The following DISP1 variants were observed in gnomAD, a reference collection of about 807,000 sequenced individuals.
The protein encoded by DISP1 is protein dispatched homolog 1.
DISP1 carries 30 observed loss-of-function variants against 37.3 expected under a neutral mutation model. That is an observed-to-expected ratio of 0.80 (90% confidence interval 0.60 to 1.09). DISP1 has a LOEUF of 1.09. DISP1 is among the 50% of genes least tolerant of loss of function. The pLI is 0.00. For missense variants in DISP1, 1,598 were observed against 1,879.5 expected, an observed-to-expected ratio of 0.85 and a Z score of 2.77; for synonymous variants, 634 against 690.2, an observed-to-expected ratio of 0.92 and a Z score of 1.28.
At chr1:222,959,202 C>T (rs556646406) in intron 3 of DISP1, among the ~76,000 whole-genome samples, 6 of 152,064 alleles carry the variant, frequency 3.9e-5, no homozygotes, top group Non-Finnish European at 8.8e-5. Flanking sequence ...ACTTGTGTGA[C>T]TAGTGAAGTA....
At position 223,005,169 on chromosome 1, in the gene DISP1, C is replaced by T. The variant is rs1247114380; in HGVS notation, c.3772C>T (p.Gln1258Ter). ...TGCCTTGTTACAGCCCCCTCTTGAA[C>T]AGCATACCGTGTGTCACTTCTTCTC... ...GSALLQPPLE[Q>*]HTVCHFFSLN... The change falls in exon 9 of 9, where the codon CAG becomes TAG. Residue 1258 changes from glutamine (Q) to a stop codon, truncating the protein, a stop_gained. Coordinates refer to ENST00000675850, the MANE Select transcript of DISP1 (RefSeq NM_001377229.1). LOFTEE classifies it low-confidence loss of function (END_TRUNC). 1.2e-6 allele frequency: 2 copies of T among 1,614,194 alleles called. No individual in the cohort carries two copies. The highest frequency in any genetic ancestry group is 1.7e-6 in the Non-Finnish European group (2 of 1,180,026).
At chr1:222,883,638 T>C (rs1670406602) in intron 1 of DISP1, among the ~76,000 whole-genome samples, 1 of 151,880 alleles carries the variant, frequency 6.6e-6, no homozygotes, top group African/African-American at 2.4e-5. Flanking sequence ...TAAATAAAGA[T>C]TATACATTGT....
chr1:222,956,851 A>C (rs921539277), intron 3 of DISP1, among the ~76,000 whole-genome samples: 1 of 152,128 alleles, frequency 6.6e-6, no homozygotes, highest in African/African-American at 2.4e-5. Context: ...CTTATTAAGA[A>C]AACTATATAT....
rs1307604634 is a variant in DISP1 at position 222,943,003 on chromosome 1, C to T, written c.180C>T (p.Gly60=). ...CAAATGGATGCCTGCAACTTAATGG[C>T]ACGGTCAAATCATCCTTTCTGCCTT... ...VSPNGCLQLN[G]TVKSSFLPLD... Residue 60 remains glycine (G), a synonymous_variant, in exon 3 of 9, where the codon GGC becomes GGT. Coordinates refer to ENST00000675850, the MANE Select transcript of DISP1 (RefSeq NM_001377229.1). The T allele has an allele frequency of 6.2e-7, 1 of 1,614,066 alleles. No individual in the cohort carries two copies. The highest frequency in any genetic ancestry group is 1.3e-5 in the African/African-American group (1 of 74,916).
At chr1:222,883,203 T>G (rs1272353492) in intron 1 of DISP1, among the ~76,000 whole-genome samples, 1 of 152,148 alleles carries the variant, frequency 6.6e-6, no homozygotes, top group African/African-American at 2.4e-5. Flanking sequence ...ACACATTAAT[T>G]CCAAGCATAA....
At chr1:222,932,506 T>G (rs563990700) in intron 2 of DISP1, among the ~76,000 whole-genome samples, 1 of 152,060 alleles carries the variant, frequency 6.6e-6, no homozygotes, top group South Asian at 2.1e-4. Flanking sequence ...CTTTGTAGAA[T>G]TTTTTTAAAG....
At position 222,893,565 on chromosome 1, in the gene DISP1, C is replaced by T. The variant is rs1013131698; in HGVS notation, c.-158-34865C>T. Among the ~76,000 whole-genome samples the T allele has an allele frequency of 7.2e-5, 11 of 152,206 alleles. No individual in the cohort carries two copies. Among genetic ancestry groups the T allele is most frequent in the Admixed American group, 2.6e-4 (4 of 15,286 alleles). On this transcript the variant is annotated intron_variant, in intron 1 of 8. Coordinates refer to ENST00000675850, the MANE Select transcript of DISP1 (RefSeq NM_001377229.1). The surrounding 1 kb of genome is among the most constrained non-coding windows in gnomAD (Gnocchi z 4.3). ...AGGCACATCAGCTGCTGTGGCAGGG[C>T]GGGCAGCCCCAGGCGCCGGCACTGA...
intron 3 of DISP1, among the ~76,000 whole-genome samples, chr1:222,967,782 G>C (rs1002251694): frequency 6.6e-6 from 1 of 152,160 alleles, no homozygotes; most frequent in Non-Finnish European, 1.5e-5. Flanking sequence ...GGGAGTCTTG[G>C]TGTTCATGCA....
chr1:222,953,244 C>G (rs1675358008), intron 3 of DISP1, among the ~76,000 whole-genome samples: 1 of 152,092 alleles, frequency 6.6e-6, no homozygotes, highest in South Asian at 2.1e-4. Flanking sequence ...AACACAGTGC[C>G]TGTTACCAAA....
At chr1:222,869,927 T>C (rs1669431897) in intron 1 of DISP1, among the ~76,000 whole-genome samples, 1 of 152,154 alleles carries the variant, frequency 6.6e-6, no homozygotes, top group South Asian at 2.1e-4. Flanking sequence ...CTCCTAATGC[T>C]ATCCCTCCCC....
At chr1:222,990,785 T>C (rs779436648) in intron 5 of DISP1, 37 bp downstream of exon 5, 1 of 1,612,286 alleles carries the variant, frequency 6.2e-7, no homozygotes, top group Admixed American at 1.7e-5. Flanking sequence ...CCTAAAATCA[T>C]CTCCAAATAT....
At chr1:222,913,596 C>T (rs1297713329) in intron 1 of DISP1, among the ~76,000 whole-genome samples, 1 of 152,034 alleles carries the variant, frequency 6.6e-6, no homozygotes, top group African/African-American at 2.4e-5. Context: ...AAGGTACTAG[C>T]ACTAAACATT....
rs35756512 is a variant in DISP1, at chr1:222,825,090, G to A, written c.-159+10012G>A. On this transcript the variant is annotated intron_variant, in intron 1 of 8. Transcript: ENST00000675850. Reference sequence around the variant, plus strand: ...TAGAAGCCTGTTCAGGTGATGCTGAGGGTGGTTGCTGCCAGTTAACAGTTC... The same window carrying A: ...TAGAAGCCTGTTCAGGTGATGCTGAAGGTGGTTGCTGCCAGTTAACAGTTC... 2.3e-4 allele frequency among the ~76,000 whole-genome samples: 35 copies of A among 151,420 alleles called. 1 individual carries two copies. The highest frequency in any genetic ancestry group is 1.3e-4 in the Admixed American group (2 of 15,188).
chr1:222,915,437 A>C (rs964320030), intron 1 of DISP1, among the ~76,000 whole-genome samples: 18 of 152,326 alleles, frequency 1.2e-4, no homozygotes, highest in South Asian at 1.0e-3. Context: ...AGTGTATAAC[A>C]TTCCTTCAGT....
At chr1:222,821,834 G>A (rs374609896) in intron 1 of DISP1, among the ~76,000 whole-genome samples, 26 of 146,686 alleles carry the variant, frequency 1.8e-4, no homozygotes, top group African/African-American at 5.8e-4. Context: ...AGCCAGGCTC[G>A]TGCCACTGCA....
chr1:222,974,588 A>C (rs1010437675), intron 3 of DISP1, among the ~76,000 whole-genome samples: 1 of 152,190 alleles, frequency 6.6e-6, no homozygotes, highest in Non-Finnish European at 1.5e-5. Context: ...CAGTTTTAAC[A>C]GTTCTAGACA....
At chr1:222,870,788 A>C (rs893937234) in intron 1 of DISP1, among the ~76,000 whole-genome samples, 1 of 152,092 alleles carries the variant, frequency 6.6e-6, no homozygotes, top group Non-Finnish European at 1.5e-5. Flanking sequence ...GAAGCTCTTT[A>C]GTTTAATTAG....
In DISP1 at chr1:223,003,321, T is replaced by C. The variant is rs766640246; in HGVS notation, c.1924T>C (p.Leu642=). 6.2e-7 allele frequency: 1 copy of C among 1,614,230 alleles called. No homozygotes were observed. Among genetic ancestry groups the C allele is most frequent in the South Asian group, 1.1e-5 (1 of 91,088 alleles). ...CFGVYAGTAI[L]VNYVLMVTWL... is the part of the protein sequence containing the mutation. ...TGGGGTTTATGCGGGGACAGCTATA[T>C]TGGTGAATTACGTTTTGATGGTCAC... The change falls in exon 9 of 9, where the codon TTG becomes CTG. Residue 642 remains leucine, a synonymous_variant. Coordinates refer to ENST00000675850, the MANE Select transcript of DISP1 (RefSeq NM_001377229.1). The surrounding 1 kb of genome is among the most constrained non-coding windows in gnomAD (Gnocchi z 4.3).
At chr1:222,828,310 T>G (rs1664913879) in intron 1 of DISP1, among the ~76,000 whole-genome samples, 1 of 152,212 alleles carries the variant, frequency 6.6e-6, no homozygotes, top group South Asian at 2.1e-4. Context: ...TGTTGGAAGT[T>G]TTCTGTTCTA....
Sources: gnomAD v4.1 joint callset for allele counts (sites outside exome capture counted in the v4.1 genomes callset) on GRCh38, gnomAD v4.1.1 for gene constraint, Gnocchi (gnomAD v3.1) non-coding constraint, MANE v1.5 for transcripts, NCBI Gene and HGNC (gene_info 2026-07-23, HGNC 2026-07-21) for gene names.